DRAM1: variants seen among roughly 807,000 people sequenced by gnomAD.
The protein encoded by DRAM1 is DNA damage regulated autophagy modulator 1.
Under a neutral mutation model 28.5 loss-of-function variants are expected in DRAM1, and 25 were observed. The observed-to-expected ratio is 0.88, with a 90% CI of 0.64 to 1.23. The LOEUF is 1.23. Among genes scored for constraint, DRAM1 ranks in the 50% most tolerant of loss-of-function variants. DRAM1 has a pLI of 0.00. For synonymous variants in DRAM1, 113 were observed against 114.2 expected (o/e 0.99, Z 0.07); for missense variants, 249 against 299.2 (o/e 0.83, Z 1.24).
intron 3 of DRAM1, among the ~76,000 whole-genome samples, chr12:101,907,606 G>C (rs1382442069): frequency 1.3e-5 from 2 of 152,104 alleles, no homozygotes; most frequent in Non-Finnish European, 2.9e-5. Context: ...GGGCGTGGTG[G>C]CACGTGCCTG....
At chr12:101,907,910 C>T (rs1873884654) in intron 3 of DRAM1, among the ~76,000 whole-genome samples, 2 of 152,092 alleles carry the variant, frequency 1.3e-5, no homozygotes, top group Admixed American at 6.6e-5. Context: ...TCCAGGTGTA[C>T]CAGACTCTGA....
chr12:101,878,723 G>C (rs1872585332), intron 1 of DRAM1, among the ~76,000 whole-genome samples: 1 of 152,134 alleles, frequency 6.6e-6, no homozygotes, highest in Admixed American at 6.6e-5. Context: ...TTCTTTAAAC[G>C]TTAGAACCAT....
chr12:101,887,145 CAA>C (rs10654713), intron 1 of DRAM1, among the ~76,000 whole-genome samples: 2 of 129,026 alleles, frequency 1.6e-5, no homozygotes, highest in Admixed American at 8.1e-5. Flanking sequence ...AACTCCGTTT[CAA>C]AAAAAAAAAA....
chr12:101,889,627 C>T (rs1324691557), intron 1 of DRAM1, among the ~76,000 whole-genome samples: 1 of 152,164 alleles, frequency 6.6e-6, no homozygotes, highest in Non-Finnish European at 1.5e-5. Flanking sequence ...TTTTCTAAGA[C>T]CGTTTCCTCA....
intron 1 of DRAM1, among the ~76,000 whole-genome samples, chr12:101,894,111 A>G (rs1365602092): frequency 6.6e-6 from 1 of 150,582 alleles, no homozygotes; most frequent in Non-Finnish European, 1.5e-5. Context: ...TATTTATTTT[A>G]TTTTTTATTT....
chr12:101,919,556 T>C (rs1874394467), intron 5 of DRAM1, among the ~76,000 whole-genome samples: 1 of 152,228 alleles, frequency 6.6e-6, no homozygotes, highest in African/African-American at 2.4e-5. Context: ...ATGTCCATTA[T>C]TAGCATTTTC....
At chr12:101,917,641 C>T (rs1214450868) in intron 5 of DRAM1, among the ~76,000 whole-genome samples, 1 of 150,084 alleles carries the variant, frequency 6.7e-6, no homozygotes, top group African/African-American at 2.5e-5. Flanking sequence ...CTGCAATGAG[C>T]CGAGATCATG....
rs536102633 is a variant in DRAM1, at chr12:101,923,491, T to A, written c.*2231T>A. The A allele has an allele frequency of 4.6e-5, 7 of 152,310 alleles. No individual in the cohort carries two copies. The East Asian group carries it at 1.4e-3, about 29-fold the overall frequency. 9.4% of individuals were successfully genotyped at this position (152,310 alleles called of 1,614,324 possible). ...CTGTAGGAGCTTAAGAAATACTCAC[T>A]GAATGCATGAATGAATGAATGAACA... On this transcript the variant is annotated 3_prime_UTR_variant, in exon 7 of 7. Coordinates refer to ENST00000258534, the MANE Select transcript of DRAM1 (RefSeq NM_018370.3).
At chr12:101,907,610 G>A (rs1427870585) in intron 3 of DRAM1, among the ~76,000 whole-genome samples, 3 of 151,964 alleles carry the variant, frequency 2.0e-5, no homozygotes, top group African/African-American at 2.4e-5. Context: ...GTGGTGGCAC[G>A]TGCCTGTAAT....
At chr12:101,915,547 T>C (rs1470289448) in intron 5 of DRAM1, among the ~76,000 whole-genome samples, 4 of 25,428 alleles carry the variant, frequency 1.6e-4, no homozygotes, top group African/African-American at 6.8e-4. Context: ...CTTTGAAGAC[T>C]TTTTTTTTTT....
At chr12:101,887,649 A>G (rs1325059594) in intron 1 of DRAM1, among the ~76,000 whole-genome samples, 2 of 151,004 alleles carry the variant, frequency 1.3e-5, no homozygotes, top group Non-Finnish European at 1.5e-5. Context: ...TCTGGCCTCA[A>G]CCCCCTGAGT....
At chr12:101,913,883 G>T (rs1874137115) in intron 4 of DRAM1, among the ~76,000 whole-genome samples, 1 of 152,080 alleles carries the variant, frequency 6.6e-6, no homozygotes, top group Non-Finnish European at 1.5e-5. Flanking sequence ...TGTGCAAAAT[G>T]TAGTGACAAG....
At chr12:101,879,991 G>GAA (rs558852561) in intron 1 of DRAM1, among the ~76,000 whole-genome samples, 4 of 134,064 alleles carry the variant, frequency 3.0e-5, no homozygotes, top group African/African-American at 1.1e-4. Context: ...CTCCATCTCA[G>GAA]AAAAAAAAAA....
At chr12:101,907,199 C>CACA (rs1873850182) in intron 3 of DRAM1, among the ~76,000 whole-genome samples, 1 of 85,148 alleles carries the variant, frequency 1.2e-5, no homozygotes, top group East Asian at 3.2e-4. Context: ...GACCCTGTCT[C>CACA]AAAAAAAAAA....
chr12:101,884,291 A>AG (rs11410128), intron 1 of DRAM1, among the ~76,000 whole-genome samples: 97,734 of 147,616 alleles, frequency 0.66, 33,795 homozygotes, highest in East Asian at 0.91. Flanking sequence ...CAGGAGCCTG[A>AG]GTGGGAGGAT....
chr12:101,917,487 A>G (rs7302651), intron 5 of DRAM1, among the ~76,000 whole-genome samples: 37,414 of 151,870 alleles, frequency 0.25, 4,994 homozygotes, highest in East Asian at 0.35. Flanking sequence ...TAGAGTTCAA[A>G]ACTAGCCTGG....
intron 1 of DRAM1, among the ~76,000 whole-genome samples, chr12:101,890,732 G>A (rs561168996): frequency 6.8e-6 from 1 of 147,056 alleles, no homozygotes; most frequent in African/African-American, 2.6e-5. Context: ...ATAGCTGAAG[G>A]GTGCCCCCGC....
At chr12:101,916,293 G>T (rs1215756241) in intron 5 of DRAM1, among the ~76,000 whole-genome samples, 1 of 152,178 alleles carries the variant, frequency 6.6e-6, no homozygotes, top group Admixed American at 6.5e-5. Context: ...CAGGAGGATT[G>T]CTTGAGTCCA....
chr12:101,883,587 T>G (rs1872768563), intron 1 of DRAM1, among the ~76,000 whole-genome samples: 1 of 150,644 alleles, frequency 6.6e-6, no homozygotes, highest in Admixed American at 6.6e-5. Context: ...GTGCTGGGAT[T>G]ACAGGCGTGA....
Sources: allele counts gnomAD v4.1 joint callset (sites outside exome capture counted in the v4.1 genomes callset), GRCh38; gene constraint gnomAD v4.1.1; transcripts MANE v1.5; gene names NCBI Gene and HGNC (gene_info 2026-07-23, HGNC 2026-07-21).